The following ADGRE5 variants were observed in gnomAD, a reference collection of about 807,000 sequenced individuals.
ADGRE5 encodes adhesion G protein-coupled receptor E5.
ADGRE5 carries 72 observed loss-of-function variants against 100.3 expected under a neutral mutation model. That is an observed-to-expected ratio of 0.72 (90% CI 0.59 to 0.87). The LOEUF is 0.87. Among genes scored for constraint, ADGRE5 ranks in the 40% least tolerant of loss-of-function variants. ADGRE5 has a pLI of 0.00. For missense variants in ADGRE5, 959 were observed against 1,094.7 expected, an observed-to-expected ratio of 0.88 and a Z score of 1.75; for synonymous variants, 439 against 447.8, an observed-to-expected ratio of 0.98 and a Z score of 0.25.
In ADGRE5 at chr19:14,408,470, C is replaced by G. The variant is rs940648698; in HGVS notation, c.*349C>G. 4 of 526,356 alleles carry G rather than the reference C, an allele frequency of 7.6e-6. No individual in the cohort carries two copies. Among genetic ancestry groups the G allele is most frequent in the Non-Finnish European group, 1.4e-5 (4 of 291,668 alleles). 32.6% of individuals were successfully genotyped at this position (526,356 alleles called of 1,614,324 possible). A position where few individuals can be genotyped will look rare whatever the true frequency, so the allele number is the denominator to read the frequency against. On this transcript the variant is annotated 3_prime_UTR_variant, in exon 20 of 20. Coordinates refer to ENST00000242786, the MANE Select transcript of ADGRE5 (RefSeq NM_078481.4). ...GCTTGTCCCATCCTGGACTTTTCCT[C>G]TCATGTCTTTGCTGCAGAACTGAAG... is the stretch of plus-strand genomic sequence containing the variant.
chr19:14,389,080 G>A (rs1975465781), intron 3 of ADGRE5, among the ~76,000 whole-genome samples: 1 of 131,724 alleles, frequency 7.6e-6, no homozygotes, highest in Non-Finnish European at 1.6e-5. Flanking sequence ...AGAGTTTGAG[G>A]CTGCAGTGAG....
Position 14,406,560 on chromosome 19 carries a change from G to C in ADGRE5, c.2048+3G>C, listed in dbSNP as rs370055411. The C allele has an allele frequency of 1.9e-6, 3 of 1,598,800 alleles. No individual in the cohort carries two copies. Among genetic ancestry groups the C allele is most frequent in the African/African-American group, 1.3e-5 (1 of 74,814 alleles). On this transcript the variant is annotated splice_donor_region_variant and intron_variant, in intron 15 of 19. Transcript: ENST00000242786. This position sits in a 1 kb window ranked among gnomAD's most constrained non-coding sequence, Gnocchi z 6.0. ...AAGGGCTACGGCCGCCCCAGATAGTGAGTGCAGCGAGATGGGGCAGGAGGA... is the reference window on the plus strand; with the variant it reads ...AAGGGCTACGGCCGCCCCAGATAGTCAGTGCAGCGAGATGGGGCAGGAGGA...
chr19:14,401,854 G>A lies in ADGRE5; in HGVS notation c.1183+94G>A. On this transcript the variant is annotated intron_variant, in intron 11 of 19. Transcript: ENST00000242786. This position sits in a 1 kb window ranked among gnomAD's most constrained non-coding sequence, Gnocchi z 4.1. ...AGGTTCAGAATAGAACAACTGACTG[G>A]GCGCGGTGGCTCACGCCTGCAATCC... The A allele has an allele frequency of 1.2e-6, 1 of 820,226 alleles. No individual in the cohort carries two copies. The highest frequency in any genetic ancestry group is 2.3e-5 in the South Asian group (1 of 43,062). The allele number at this position is 820,226 out of a possible 1,614,324, so 50.8% of individuals were successfully genotyped here.
chr19:14,402,880 T>C lies in ADGRE5; in HGVS notation c.1449+18T>C, dbSNP rs1182137233. On this transcript the variant is annotated intron_variant, in intron 12 of 19. Coordinates refer to ENST00000242786, the MANE Select transcript of ADGRE5 (RefSeq NM_078481.4). ...CTGCCAAGGTCTCTGCTCACTCTGCTCACTTCCTCAAAGATAACCCAGGGC... is the reference window on the plus strand; with the variant it reads ...CTGCCAAGGTCTCTGCTCACTCTGCCCACTTCCTCAAAGATAACCCAGGGC... The C allele has an allele frequency of 6.2e-7, 1 of 1,612,826 alleles. No homozygotes were observed. Among genetic ancestry groups the C allele is most frequent in the Non-Finnish European group, 8.5e-7 (1 of 1,179,236 alleles).
Position 14,389,595 on chromosome 19 carries a change from G to T in ADGRE5, c.190+777G>T, listed in dbSNP as rs184946131. ...ACTAAAAACACAAAAAATTAGCCGGGGGTGGTGGTGGTCACCTGTAATCCC... is the reference window on the plus strand; with the variant it reads ...ACTAAAAACACAAAAAATTAGCCGGTGGTGGTGGTGGTCACCTGTAATCCC... On this transcript the variant is annotated intron_variant, in intron 3 of 19. Transcript: ENST00000242786. Among the ~76,000 whole-genome samples the T allele has an allele frequency of 4.6e-3, 697 of 151,720 alleles. 3 individuals carry two copies. The highest frequency in any genetic ancestry group is 5.8e-3 in the Admixed American group (88 of 15,234).
rs1395977263 is a variant in ADGRE5 at position 14,390,926 on chromosome 19, A to T, written c.193A>T (p.Ile65Phe). 1 of 1,614,116 alleles carries T rather than the reference A, an allele frequency of 6.2e-7. No homozygotes were observed. Among genetic ancestry groups the T allele is most frequent in the South Asian group, 1.1e-5 (1 of 91,058 alleles). The stretch of plus-strand genomic sequence containing the variant: ...CTCCCTGTCCTGTTGTGTTCCAGAC[A>T]TCAACGAGTGTGCAACACCGTCGAA... ...ITTPTETCDD[I>F]NECATPSKVS... The change falls in exon 4 of 20, where the codon ATC (isoleucine) becomes TTC (phenylalanine). Residue 65 changes from isoleucine to phenylalanine, a missense_variant and splice_region_variant. Coordinates refer to ENST00000242786, the MANE Select transcript of ADGRE5 (RefSeq NM_078481.4).
At chr19:14,382,401 C>T (rs771072604) in intron 1 of ADGRE5, among the ~76,000 whole-genome samples, 8 of 152,166 alleles carry the variant, frequency 5.3e-5, no homozygotes, top group Non-Finnish European at 1.0e-4. Context: ...AAGGGTTCCA[C>T]GCCCTGGCTG....
At chr19:14,384,353 G>T (rs753479713) in intron 1 of ADGRE5, among the ~76,000 whole-genome samples, 1 of 152,166 alleles carries the variant, frequency 6.6e-6, no homozygotes, top group Admixed American at 6.5e-5. Flanking sequence ...CCCGCCCTCT[G>T]AAGCTGTGCT....
chr19:14,407,904 G>A lies in ADGRE5; in HGVS notation c.2377-4G>A. On this transcript the variant is annotated splice_region_variant and splice_polypyrimidine_tract_variant and intron_variant, in intron 18 of 19. Transcript: ENST00000242786. ...CTGCCCTGACTTGGTGTCTGGGCCG[G>A]CAGGTTCGGGAAGAATACCGGAAGT... The A allele has an allele frequency of 1.2e-6, 2 of 1,613,710 alleles. No homozygotes were observed. The highest frequency in any genetic ancestry group is 1.7e-6 in the Non-Finnish European group (2 of 1,179,780).
At position 14,383,726 on chromosome 19, in the gene ADGRE5, C is replaced by T. The variant is rs555530807; in HGVS notation, c.22+2181C>T. Among the ~76,000 whole-genome samples the T allele has an allele frequency of 9.2e-5, 14 of 151,624 alleles. No homozygotes were observed. The South Asian group carries it at 1.1e-3, about 11-fold the overall frequency. On this transcript the variant is annotated intron_variant, in intron 1 of 19. Transcript: ENST00000242786. The stretch of plus-strand genomic sequence containing the variant: ...CAAACCAGAACAGCAGCTTCTCTCC[C>T]GGCTTCTGTTTGGGCAACTTCCAAG...
At chr19:14,405,556 G>A (rs1976191430) in intron 13 of ADGRE5, 192 bp from the exon 14 acceptor site, 1 of 552,808 alleles carries the variant, frequency 1.8e-6, no homozygotes, top group Non-Finnish European at 3.2e-6. Context: ...CCAGGCCAAA[G>A]GCCCAGCAAG....
rs188687413 is a variant in ADGRE5 at position 14,407,872 on chromosome 19, C to A, written c.2377-36C>A. 3.2e-6 allele frequency: 5 copies of A among 1,574,408 alleles called. No individual in the cohort carries two copies. The Admixed American group carries it at 8.4e-5, about 26-fold the overall frequency. Reference sequence around the variant, plus strand: ...GGGAGGAGCGTGCATGGTCCCAGGGCCTGCTCCTGCCCTGACTTGGTGTCT... The same window carrying A: ...GGGAGGAGCGTGCATGGTCCCAGGGACTGCTCCTGCCCTGACTTGGTGTCT... On this transcript the variant is annotated intron_variant, in intron 18 of 19. Transcript: ENST00000242786.
intron 4 of ADGRE5, among the ~76,000 whole-genome samples, chr19:14,395,968 G>A (rs748883204): frequency 1.3e-5 from 2 of 152,226 alleles, no homozygotes; most frequent in African/African-American, 2.4e-5. Flanking sequence ...GAGTCAGGCC[G>A]AGGGCCACCG....
At position 14,401,767 on chromosome 19, in the gene ADGRE5, G is replaced by A; in HGVS notation, c.1183+7G>A. 6.5e-7 allele frequency: 1 copy of A among 1,539,126 alleles called. No homozygotes were observed. ...GCTGGAGCCGAGGATCCAGGTAGCA[G>A]CGGTGGTCTGGAGGGGGAGCCCGTG... On this transcript the variant is annotated splice_region_variant and intron_variant, in intron 11 of 19. Coordinates refer to ENST00000242786, the MANE Select transcript of ADGRE5 (RefSeq NM_078481.4). This position sits in a 1 kb window ranked among gnomAD's most constrained non-coding sequence, Gnocchi z 4.1.
At chr19:14,391,836 A>C (rs1201509372) in intron 4 of ADGRE5, among the ~76,000 whole-genome samples, 1 of 151,936 alleles carries the variant, frequency 6.6e-6, no homozygotes, top group Non-Finnish European at 1.5e-5. Flanking sequence ...AGTGGCTCAC[A>C]CCTGTAATCC....
Position 14,402,873 on chromosome 19 carries a change from A to G in ADGRE5, c.1449+11A>G, listed in dbSNP as rs1264682113. 6 of 1,612,884 alleles carry G rather than the reference A, an allele frequency of 3.7e-6. No homozygotes were observed. Among genetic ancestry groups the G allele is most frequent in the Non-Finnish European group, 5.1e-6 (6 of 1,179,466 alleles). On this transcript the variant is annotated intron_variant, in intron 12 of 19. Transcript: ENST00000242786. The stretch of plus-strand genomic sequence containing the variant: ...GACCCTCCTGCCAAGGTCTCTGCTC[A>G]CTCTGCTCACTTCCTCAAAGATAAC...
At chr19:14,391,368 C>T (rs1975596612) in intron 4 of ADGRE5, 3 of 420,224 alleles carry the variant, frequency 7.1e-6, no homozygotes, top group Non-Finnish European at 1.3e-5. Flanking sequence ...GATGTGATAA[C>T]GTTATCATGC....
chr19:14,408,250 AGGAG>A lies in ADGRE5; in HGVS notation c.*134_*137del. On this transcript the variant is annotated 3_prime_UTR_variant, in exon 20 of 20. Coordinates refer to ENST00000242786, the MANE Select transcript of ADGRE5 (RefSeq NM_078481.4). ...TCCCTCCCTGATCCCGTGTGCCACC[AGGAG>A]GGAGTGGCAGCTATAGTCTGGCACC... 3 of 1,065,322 alleles carry A rather than the reference AGGAG, an allele frequency of 2.8e-6. No homozygotes were observed. Among genetic ancestry groups the A allele is most frequent in the Non-Finnish European group, 4.2e-6 (3 of 710,014 alleles). The allele number at this position is 1,065,322 out of a possible 1,614,324, so 66.0% of individuals were successfully genotyped here.
At position 14,388,469 on chromosome 19, in the gene ADGRE5, T is replaced by C. The variant is rs998746715; in HGVS notation, c.42T>C (p.Thr14=). ...RVFLAFCVWL[T]LPGAETQDSR... ...TTGCAGCATTCTGTGTCTGGCTGACTCTGCCGGGAGCTGAAACCCAGGACT... is the reference window on the plus strand; with the variant it reads ...TTGCAGCATTCTGTGTCTGGCTGACCCTGCCGGGAGCTGAAACCCAGGACT... The change falls in exon 2 of 20, where the codon ACT becomes ACC. Residue 14 remains threonine, a synonymous_variant. Transcript: ENST00000242786. 5 of 1,602,248 alleles carry C rather than the reference T, an allele frequency of 3.1e-6. No individual in the cohort carries two copies. Among genetic ancestry groups the C allele is most frequent in the Non-Finnish European group, 4.3e-6 (5 of 1,173,598 alleles).
Sources: gnomAD v4.1 joint callset for allele counts (sites outside exome capture counted in the v4.1 genomes callset) on GRCh38, gnomAD v4.1.1 for gene constraint, Gnocchi (gnomAD v3.1) non-coding constraint, MANE v1.5 for transcripts, NCBI Gene and HGNC (gene_info 2026-07-23, HGNC 2026-07-21) for gene names.